The following SLC24A2 variants were observed in gnomAD, a reference collection of about 807,000 sequenced individuals.
The protein encoded by SLC24A2 is sodium/potassium/calcium exchanger 2.
SLC24A2 carries 36 observed loss-of-function variants against 62.0 expected under a neutral mutation model. That is an observed-to-expected ratio of 0.58 (90% CI 0.44 to 0.77). SLC24A2 has a LOEUF of 0.77. Among genes scored for constraint, SLC24A2 ranks in the 30% least tolerant of loss-of-function variants. The pLI, the probability that SLC24A2 is intolerant of heterozygous loss-of-function variation, is 0.00. For synonymous variants in SLC24A2, 358 were observed against 294.0 expected (o/e 1.22, Z -2.23); for missense variants, 846 against 817.9 (o/e 1.03, Z -0.42).
chr9:20,031,017 C>T, the SLC24A2 span, among the ~76,000 whole-genome samples: 27 of 152,018 alleles, frequency 1.8e-4, no homozygotes, highest in East Asian at 9.7e-4. Flanking sequence ...TTCCTTGGCC[C>T]GTCCAAAGAC....
the SLC24A2 span, among the ~76,000 whole-genome samples, chr9:20,061,689 A>C: frequency 6.6e-6 from 1 of 152,198 alleles, no homozygotes; most frequent in Non-Finnish European, 1.5e-5. Context: ...TTTAATTCAA[A>C]ATGGATCATC....
the SLC24A2 span, among the ~76,000 whole-genome samples, chr9:19,911,083 A>T: frequency 9.8e-6 from 1 of 101,822 alleles, no homozygotes; most frequent in Middle Eastern, 7.9e-3. Context: ...CCACCCCACA[A>T]CAGTCCCCAG....
At chr9:19,911,763 A>T in the SLC24A2 span, among the ~76,000 whole-genome samples, 1 of 152,076 alleles carries the variant, frequency 6.6e-6, no homozygotes, top group Non-Finnish European at 1.5e-5. Flanking sequence ...TAGGAACTCC[A>T]CTTGACCTGT....
the SLC24A2 span, among the ~76,000 whole-genome samples, chr9:20,066,628 G>A: frequency 6.6e-6 from 1 of 152,136 alleles, no homozygotes; most frequent in East Asian, 1.9e-4. Context: ...CACAATGGAA[G>A]CATAAAAAAT....
At chr9:19,903,084 C>G in the SLC24A2 span, among the ~76,000 whole-genome samples, 4 of 151,866 alleles carry the variant, frequency 2.6e-5, no homozygotes, top group East Asian at 7.7e-4. Context: ...CTTTAACTCC[C>G]ATTATCAGAT....
intron 5 of SLC24A2, among the ~76,000 whole-genome samples, chr9:19,577,389 T>G (rs1420924057): frequency 6.6e-6 from 1 of 152,166 alleles, no homozygotes; most frequent in African/African-American, 2.4e-5. Flanking sequence ...ATTTTGACAA[T>G]GGGCTGGGAA....
intron 7 of SLC24A2, among the ~76,000 whole-genome samples, chr9:19,569,226 G>T (rs902453661): frequency 6.6e-6 from 1 of 152,156 alleles, no homozygotes; most frequent in Non-Finnish European, 1.5e-5. Context: ...CTTTAGAAAT[G>T]TAAAAACCCA....
At chr9:20,097,855 G>T in the SLC24A2 span, among the ~76,000 whole-genome samples, 6 of 140,878 alleles carry the variant, frequency 4.3e-5, no homozygotes, top group Non-Finnish European at 9.1e-5. Flanking sequence ...CCATTCTCCT[G>T]CCTCAGACTC....
the SLC24A2 span, among the ~76,000 whole-genome samples, chr9:20,181,376 C>T: frequency 6.6e-6 from 1 of 152,152 alleles, no homozygotes; most frequent in Non-Finnish European, 1.5e-5. Flanking sequence ...TGGTAGATGA[C>T]TTCAAACTAT....
chr9:19,673,851 AG>A (rs1266219041), intron 2 of SLC24A2, among the ~76,000 whole-genome samples: 3 of 152,192 alleles, frequency 2.0e-5, no homozygotes, highest in Admixed American at 2.0e-4. Flanking sequence ...TGGAGTATTT[AG>A]GCCATTTACA....
chr9:19,789,041 C>T (rs937649530), upstream of SLC24A2: 14 of 725,404 alleles, frequency 1.9e-5, no homozygotes, highest in Admixed American at 1.9e-4. Context: ...GGAGACTGAG[C>T]CGCTGTGAGC....
the SLC24A2 span, among the ~76,000 whole-genome samples, chr9:20,145,168 G>T: frequency 6.6e-6 from 1 of 152,156 alleles, no homozygotes; most frequent in African/African-American, 2.4e-5. Flanking sequence ...TCAAGAGGCA[G>T]TCAGGGAGCT....
chr9:19,613,422 C>A (rs181770327), intron 4 of SLC24A2, among the ~76,000 whole-genome samples: 1 of 152,270 alleles, frequency 6.6e-6, no homozygotes, highest in African/African-American at 2.4e-5. Context: ...GAACTGAAAC[C>A]ATCAAGGCAC....
chr9:19,677,000 C>T (rs1442398197), intron 2 of SLC24A2, among the ~76,000 whole-genome samples: 1 of 152,132 alleles, frequency 6.6e-6, no homozygotes, highest in Non-Finnish European at 1.5e-5. Flanking sequence ...AATTAGTTCA[C>T]CCACTGTAGA....
chr9:20,070,250 C>T, the SLC24A2 span, among the ~76,000 whole-genome samples: 1 of 152,112 alleles, frequency 6.6e-6, no homozygotes, highest in African/African-American at 2.4e-5. Flanking sequence ...CTAATCAAGC[C>T]TCCACACTGA....
chr9:19,896,529 C>A, the SLC24A2 span, among the ~76,000 whole-genome samples: 5 of 152,282 alleles, frequency 3.3e-5, no homozygotes, highest in Admixed American at 3.3e-4. Flanking sequence ...CTAATTATTT[C>A]ATTTAATTTT....
the SLC24A2 span, among the ~76,000 whole-genome samples, chr9:19,839,835 G>A: frequency 1.3e-5 from 2 of 152,176 alleles, no homozygotes; most frequent in Non-Finnish European, 2.9e-5. Flanking sequence ...AATTCACCTA[G>A]TGATGTCATA....
At chr9:19,608,151 GA>G (rs1304651110) in intron 4 of SLC24A2, among the ~76,000 whole-genome samples, 2 of 152,158 alleles carry the variant, frequency 1.3e-5, no homozygotes, top group Non-Finnish European at 2.9e-5. Context: ...TTACCAGGCG[GA>G]GGCTGCACGC....
intron 2 of SLC24A2, among the ~76,000 whole-genome samples, chr9:19,732,405 G>A (rs1394778587): frequency 6.6e-6 from 1 of 152,130 alleles, no homozygotes; most frequent in African/African-American, 2.4e-5. Flanking sequence ...GGCTATTAAA[G>A]AGCATGAGAA....
Sources: allele counts gnomAD v4.1 joint callset (sites outside exome capture counted in the v4.1 genomes callset), GRCh38; gene constraint gnomAD v4.1.1; transcripts MANE v1.5; gene names NCBI Gene and HGNC (gene_info 2026-07-23, HGNC 2026-07-21).